The following OR3A2 variants were observed in gnomAD, a reference collection of about 807,000 sequenced individuals.
The protein encoded by OR3A2 is olfactory receptor family 3 subfamily A member 2.
For synonymous variants in OR3A2, 126 were observed against 159.3 expected, an observed-to-expected ratio of 0.79 and a Z score of 1.57; for missense variants, 318 against 392.8, an observed-to-expected ratio of 0.81 and a Z score of 1.61.
intron 2 of OR3A2, among the ~76,000 whole-genome samples, chr17:3,383,105 G>A (rs1224270176): frequency 6.6e-6 from 1 of 152,194 alleles, no homozygotes; most frequent in Non-Finnish European, 1.5e-5. Context: ...AAGGTACTAG[G>A]GGTGTTTGGG....
intron 3 of OR3A2, chr17:3,310,617 G>C (rs9903671): frequency 0.13 from 72,814 of 540,254 alleles, 7,749 homozygotes; most frequent in African/African-American, 0.41. Flanking sequence ...CTGCCTCTCC[G>C]AGCTCTTCTT....
chr17:3,378,068 C>G (rs1333915685), intron 2 of OR3A2, among the ~76,000 whole-genome samples: 1 of 152,190 alleles, frequency 6.6e-6, no homozygotes, highest in Non-Finnish European at 1.5e-5. Flanking sequence ...CTGACTTCAC[C>G]TGGAACCGGC....
chr17:3,311,759 G>T lies in OR3A2; in HGVS notation c.-85+24274C>A, dbSNP rs914501162. 3 of 242,982 alleles carry T rather than the reference G, an allele frequency of 1.2e-5. No homozygotes were observed. Among genetic ancestry groups the T allele is most frequent in the Non-Finnish European group, 2.5e-5 (3 of 119,750 alleles). The allele number at this position is 242,982 out of a possible 1,614,324, so 15.1% of individuals were successfully genotyped here. A position where few individuals can be genotyped will look rare whatever the true frequency, so the allele number is the denominator to read the frequency against. ...GTGGTCTGAATCTTTTATGGAACTG[G>T]CTTCTTCAGTTACATGTGTCTGGGC... On this transcript the variant is annotated intron_variant, in intron 3 of 4. Coordinates refer to the OR3A2 transcript ENST00000573491. The surrounding 1 kb of genome is among the most constrained non-coding windows in gnomAD (Gnocchi z 4.6).
intron 3 of OR3A2, chr17:3,291,562 T>G (rs1012355383): frequency 8.0e-7 from 1 of 1,245,456 alleles, no homozygotes; most frequent in African/African-American, 1.5e-5. Flanking sequence ...AACCATTTTT[T>G]TCCTAGTTTC....
chr17:3,287,225 A>G (rs1333627751), upstream of OR3A2, among the ~76,000 whole-genome samples: 1 of 151,408 alleles, frequency 6.6e-6, no homozygotes, highest in African/African-American at 2.4e-5. Flanking sequence ...ATTTCTCATC[A>G]TCCACCCCCC....
intron 2 of OR3A2, among the ~76,000 whole-genome samples, chr17:3,378,432 G>A (rs1183664067): frequency 6.6e-6 from 1 of 152,216 alleles, no homozygotes; most frequent in East Asian, 1.9e-4. Context: ...GGCCAGAGCA[G>A]AGCAGGCACT....
chr17:3,306,968 C>T lies in OR3A2; in HGVS notation c.-84-27815G>A, dbSNP rs184282094. Among the ~76,000 whole-genome samples the T allele has an allele frequency of 1.6e-4, 24 of 152,330 alleles. No individual in the cohort carries two copies. The East Asian group carries it at 3.1e-3, about 20-fold the overall frequency. ...CATGTGGTTCAACTGGATTTACACA[C>T]GCACGCGTGCTTGTGTGTGTGCGCA... On this transcript the variant is annotated intron_variant, in intron 3 of 4. Coordinates refer to the OR3A2 transcript ENST00000573491.
chr17:3,370,700 A>G (rs556566668), intron 2 of OR3A2, among the ~76,000 whole-genome samples: 19 of 151,272 alleles, frequency 1.3e-4, no homozygotes, highest in Non-Finnish European at 2.1e-4. Flanking sequence ...GTCATAGGAC[A>G]ATAGTGGAGG....
intron 2 of OR3A2, among the ~76,000 whole-genome samples, chr17:3,351,147 C>A (rs1319281963): frequency 6.6e-6 from 1 of 150,866 alleles, no homozygotes; most frequent in African/African-American, 2.4e-5. Flanking sequence ...CCTCTCTCAC[C>A]ACTCCTATTC....
intron 2 of OR3A2, among the ~76,000 whole-genome samples, chr17:3,379,078 TCAA>T (rs2049710852): frequency 6.6e-6 from 1 of 152,030 alleles, no homozygotes; most frequent in Admixed American, 6.5e-5. Flanking sequence ...TCCTCAGAGA[TCAA>T]CAAGGCTGGG....
At chr17:3,317,598 G>A (rs1337461840) in intron 3 of OR3A2, among the ~76,000 whole-genome samples, 3 of 152,044 alleles carry the variant, frequency 2.0e-5, no homozygotes, top group Non-Finnish European at 4.4e-5. Flanking sequence ...TCCTCCCTGT[G>A]GGCCCCAGTT....
At chr17:3,339,970 G>A (rs573688322) in intron 2 of OR3A2, among the ~76,000 whole-genome samples, 3 of 152,276 alleles carry the variant, frequency 2.0e-5, no homozygotes, top group Admixed American at 2.0e-4. Flanking sequence ...GGTCTATTCA[G>A]AGATTCAACT....
intron 3 of OR3A2, among the ~76,000 whole-genome samples, chr17:3,333,754 G>C (rs74765895): frequency 6.6e-6 from 1 of 152,068 alleles, no homozygotes; most frequent in Non-Finnish European, 1.5e-5. Flanking sequence ...ATTGACAAAA[G>C]GGAGGCAATT....
chr17:3,280,033 T>C (rs1345896610), intron 1 of OR3A2, among the ~76,000 whole-genome samples: 1 of 152,198 alleles, frequency 6.6e-6, no homozygotes, highest in East Asian at 1.9e-4. Context: ...CTTTGACTAA[T>C]GACTTACTGT....
At chr17:3,347,300 T>C (rs2049374237) in intron 2 of OR3A2, among the ~76,000 whole-genome samples, 2 of 152,182 alleles carry the variant, frequency 1.3e-5, no homozygotes, top group Non-Finnish European at 2.9e-5. Flanking sequence ...ATATGCAGGT[T>C]AGTTACATAT....
chr17:3,319,395 C>CT (rs2049101576), intron 3 of OR3A2, among the ~76,000 whole-genome samples: 1 of 151,712 alleles, frequency 6.6e-6, no homozygotes, highest in African/African-American at 2.4e-5. Flanking sequence ...TATTATTATA[C>CT]TTTAAGTTTT....
chr17:3,385,919 C>T, intron 1 of OR3A2: 1 of 398,720 alleles, frequency 2.5e-6, no homozygotes. Context: ...TCCCACCTGT[C>T]AGTCCACTCC....
chr17:3,288,962 T>C (rs988579324), upstream of OR3A2, among the ~76,000 whole-genome samples: 3 of 152,208 alleles, frequency 2.0e-5, no homozygotes. Context: ...ATTATAATTT[T>C]ACATAAATGG....
intron 2 of OR3A2, among the ~76,000 whole-genome samples, chr17:3,379,379 G>C (rs1040810734): frequency 6.6e-6 from 1 of 152,130 alleles, no homozygotes; most frequent in African/African-American, 2.4e-5. Context: ...ACACCAGCTG[G>C]ACAAGGCTGA....
Sources: allele counts gnomAD v4.1 joint callset (sites outside exome capture counted in the v4.1 genomes callset), GRCh38; gene constraint gnomAD v4.1.1; non-coding constraint Gnocchi (gnomAD v3.1); transcripts MANE v1.5; gene names NCBI Gene and HGNC (gene_info 2026-07-23, HGNC 2026-07-21).